The following APBA1 variants were observed in gnomAD, a reference collection of about 807,000 sequenced individuals.
The protein encoded by APBA1 is amyloid beta precursor protein binding family A member 1, also known as amyloid-beta A4 precursor protein-binding family A member 1.
APBA1 carries 55 observed loss-of-function variants against 86.6 expected under a neutral mutation model. The observed-to-expected ratio is 0.64, with a 90% CI of 0.51 to 0.80. APBA1 has a LOEUF of 0.80. APBA1 is among the 30% of genes least tolerant of loss of function. APBA1 has a pLI of 0.00. For synonymous variants in APBA1, 511 were observed against 493.9 expected, an observed-to-expected ratio of 1.03 and a Z score of -0.46; for missense variants, 1,090 against 1,183.0, an observed-to-expected ratio of 0.92 and a Z score of 1.15.
Position 69,436,114 on chromosome 9 carries a change from G to T in APBA1, c.2302-3438C>A, listed in dbSNP as rs564873620. ...TAGATATGTGGCATTATTTCTGAGG[G>T]CTCTGTTCTGTTCCATTGGTCTATA... On this transcript the variant is annotated intron_variant, in intron 11 of 12. Coordinates refer to ENST00000265381, the MANE Select transcript of APBA1 (RefSeq NM_001163.4). Among the ~76,000 whole-genome samples, 30 of 149,834 alleles carry T rather than the reference G, an allele frequency of 2.0e-4. No homozygotes were observed. In the East Asian group the frequency reaches 5.4e-3, roughly 27 times the overall value.
chr9:69,561,190 G>A (rs548682912), intron 1 of APBA1, among the ~76,000 whole-genome samples: 1 of 152,106 alleles, frequency 6.6e-6, no homozygotes, highest in African/African-American at 2.4e-5. Flanking sequence ...TGAGATAAAG[G>A]CTTGCCCCAG....
intron 1 of APBA1, among the ~76,000 whole-genome samples, chr9:69,623,504 G>A (rs994866113): frequency 3.9e-5 from 6 of 152,120 alleles, no homozygotes; most frequent in East Asian, 1.9e-4. Context: ...GGAAGAAGAC[G>A]ATTTAAAGCA....
At chr9:69,493,685 A>G (rs973442682) in intron 2 of APBA1, among the ~76,000 whole-genome samples, 3 of 152,154 alleles carry the variant, frequency 2.0e-5, no homozygotes, top group South Asian at 2.1e-4. Flanking sequence ...TAAAATATAT[A>G]GTAGGAGTTC....
intron 3 of APBA1, among the ~76,000 whole-genome samples, chr9:69,473,255 T>C (rs890656323): frequency 3.9e-5 from 6 of 152,314 alleles, no homozygotes; most frequent in African/African-American, 1.4e-4. Flanking sequence ...ATAGGCCCAG[T>C]TGAGAGCCAA....
chr9:69,432,783 C>G, intron 11 of APBA1, 107 bp from the exon 12 acceptor site: 1 of 1,164,104 alleles, frequency 8.6e-7, no homozygotes, highest in Non-Finnish European at 1.1e-6. Flanking sequence ...CTTGGAGAAA[C>G]TGACATGGTT....
intron 1 of APBA1, among the ~76,000 whole-genome samples, chr9:69,660,913 A>AAG (rs1823740923): frequency 6.6e-6 from 1 of 152,192 alleles, no homozygotes; most frequent in African/African-American, 2.4e-5. Flanking sequence ...GAGTGGTACA[A>AAG]AGCACTGTGA....
chr9:69,652,602 G>C (rs1035542254), intron 1 of APBA1, among the ~76,000 whole-genome samples: 2 of 152,048 alleles, frequency 1.3e-5, no homozygotes, highest in Non-Finnish European at 2.9e-5. Flanking sequence ...GTAACCAAAG[G>C]GCAGTAGTAA....
intron 12 of APBA1, 65 bp from the exon 13 acceptor site, chr9:69,431,463 C>T (rs895238148): frequency 1.4e-6 from 2 of 1,424,852 alleles, no homozygotes; most frequent in Middle Eastern, 1.8e-4. Flanking sequence ...GGGCACTGCC[C>T]AGGGCTGGCC....
chr9:69,472,790 G>C (rs183542541), intron 3 of APBA1, among the ~76,000 whole-genome samples: 4 of 152,250 alleles, frequency 2.6e-5, no homozygotes, highest in African/African-American at 9.6e-5. Flanking sequence ...GGATGTCATG[G>C]GGAGCAACTC....
At chr9:69,636,177 A>C (rs1034684998) in intron 1 of APBA1, among the ~76,000 whole-genome samples, 1 of 152,280 alleles carries the variant, frequency 6.6e-6, no homozygotes, top group African/African-American at 2.4e-5. Context: ...AGATAAATGT[A>C]AGTGAAAACT....
At chr9:69,604,589 C>A (rs1262621384) in intron 1 of APBA1, among the ~76,000 whole-genome samples, 1 of 133,370 alleles carries the variant, frequency 7.5e-6, no homozygotes, top group African/African-American at 2.9e-5. Flanking sequence ...TGGAGAGGCA[C>A]ACGGGTGTGG....
chr9:69,516,484 C>T lies in APBA1; in HGVS notation c.727G>A (p.Asp243Asn), dbSNP rs768546904. 15 of 1,599,594 alleles carry T rather than the reference C, an allele frequency of 9.4e-6. No individual in the cohort carries two copies. The highest frequency in any genetic ancestry group is 1.3e-5 in the African/African-American group (1 of 74,764). The stretch of plus-strand genomic sequence containing the variant: ...TTCTCGGGGCTGTCGGACTCGCCGT[C>T]GGAGCGCTCGTCGTAATGGTGCAGC... ...ARLHHYDERS[D>N]GESDSPEKEA... Residue 243 changes from aspartate (D) to asparagine (N), a missense_variant, in exon 2 of 13, where the codon GAC becomes AAC. Transcript: ENST00000265381. The surrounding 1 kb of genome is among the most constrained non-coding windows in gnomAD (Gnocchi z 7.3).
At position 69,471,583 on chromosome 9, in the gene APBA1, AGTGCT is replaced by A. The variant is rs1329965745; in HGVS notation, c.1336+68_1336+72del. ...CTTCCCTTCCATTGTCTTATATCTC[AGTGCT>A]TCATATGCCCCAATGCTAAAAGATT... On this transcript the variant is annotated intron_variant, in intron 4 of 12. Transcript: ENST00000265381. 72 of 1,215,804 alleles carry A rather than the reference AGTGCT, an allele frequency of 5.9e-5. No homozygotes were observed. In the African/African-American group the frequency reaches 1.0e-3, roughly 17 times the overall value. The allele number at this position is 1,215,804 out of a possible 1,614,324, so 75.3% of individuals were successfully genotyped here. A position where few individuals can be genotyped will look rare whatever the true frequency, so the allele number is the denominator to read the frequency against.
At chr9:69,441,268 A>G (rs577643111) in intron 10 of APBA1, among the ~76,000 whole-genome samples, 153 bp from the exon 11 acceptor site, 39 of 152,276 alleles carry the variant, frequency 2.6e-4, no homozygotes, top group African/African-American at 8.2e-4. Context: ...CTGGGCTGGT[A>G]CAGTCACTGC....
intron 11 of APBA1, among the ~76,000 whole-genome samples, chr9:69,434,610 G>T (rs1244395649): frequency 4.0e-5 from 6 of 151,728 alleles, no homozygotes. Flanking sequence ...AGGAGGCTGA[G>T]GCAGGAGAAT....
chr9:69,519,324 A>C (rs1358901169), intron 1 of APBA1, among the ~76,000 whole-genome samples: 1 of 152,266 alleles, frequency 6.6e-6, no homozygotes, highest in African/African-American at 2.4e-5. Flanking sequence ...TTCATGCTCC[A>C]ATACTGGTCC....
rs747266314 is a variant in APBA1 at position 69,516,812 on chromosome 9, T to C, written c.399A>G (p.Ala133=). 1 of 1,608,224 alleles carries C rather than the reference T, an allele frequency of 6.2e-7. No individual in the cohort carries two copies. The highest frequency in any genetic ancestry group is 1.1e-5 in the South Asian group (1 of 90,940). The change falls in exon 2 of 13, where the codon GCA becomes GCG. Residue 133 remains alanine, a synonymous_variant. Coordinates refer to ENST00000265381, the MANE Select transcript of APBA1 (RefSeq NM_001163.4). This position sits in a 1 kb window ranked among gnomAD's most constrained non-coding sequence, Gnocchi z 7.3. The part of the protein sequence containing the change: ...RPEAEEYTEQ[A]EAEHAEATHR... ...GCGTGGCCTCGGCGTGCTCGGCCTC[T>C]GCCTGCTCCGTGTACTCCTCGGCCT...
At chr9:69,460,117 T>C (rs1372245733) in intron 5 of APBA1, among the ~76,000 whole-genome samples, 2 of 152,228 alleles carry the variant, frequency 1.3e-5, no homozygotes, top group Non-Finnish European at 2.9e-5. Context: ...GACTAAAATA[T>C]GTTGCCTATA....
chr9:69,432,432 CAG>C, intron 12 of APBA1, 102 bp downstream of exon 12: 2 of 1,213,146 alleles, frequency 1.6e-6, no homozygotes, highest in Non-Finnish European at 2.2e-6. Context: ...ATTGGAAACT[CAG>C]GGAGCTTTCC....
Sources: gnomAD v4.1 joint callset for allele counts (sites outside exome capture counted in the v4.1 genomes callset) on GRCh38, gnomAD v4.1.1 for gene constraint, Gnocchi (gnomAD v3.1) non-coding constraint, MANE v1.5 for transcripts, NCBI Gene and HGNC (gene_info 2026-07-23, HGNC 2026-07-21) for gene names.